Variants in SRD5A2 observed in about 807,000 individuals in gnomAD.
The protein encoded by SRD5A2 is steroid 5 alpha-reductase 2.
In SRD5A2, 30 loss-of-function variants were observed where a neutral mutation model predicts 27.4. That is an observed-to-expected ratio of 1.10 (90% CI 0.82 to 1.49). The LOEUF (loss-of-function observed/expected upper bound fraction) is 1.49, where lower values mean the gene tolerates loss of function less well. SRD5A2 is among the 40% of genes most tolerant of loss of function. The probability of loss-of-function intolerance (pLI) is 0.00; values close to 1 mark genes in which losing one functional copy is unlikely to be tolerated. For synonymous variants in SRD5A2, 141 were observed against 133.6 expected, an observed-to-expected ratio of 1.06 and a Z score of -0.38; for missense variants, 348 against 323.4, an observed-to-expected ratio of 1.08 and a Z score of -0.58.
intron 1 of SRD5A2, among the ~76,000 whole-genome samples, chr2:31,565,442 A>G (rs1024388049): frequency 1.3e-5 from 2 of 151,880 alleles, no homozygotes; most frequent in African/African-American, 4.8e-5. Context: ...ACAGTATGCC[A>G]CCTTTGAGAC....
the SRD5A2 span, among the ~76,000 whole-genome samples, chr2:31,653,816 T>G: frequency 6.6e-6 from 1 of 152,112 alleles, no homozygotes; most frequent in Admixed American, 6.6e-5. Context: ...CCCGCCACCA[T>G]GCCCAGCTAA....
At chr2:31,587,296 ATTG>A in the SRD5A2 span, among the ~76,000 whole-genome samples, 7 of 152,204 alleles carry the variant, frequency 4.6e-5, no homozygotes, top group Non-Finnish European at 1.0e-4. Flanking sequence ...ATGCTTTTAC[ATTG>A]TTGGTGGGAG....
chr2:31,527,387 T>C (rs896019120), intron 4 of SRD5A2, among the ~76,000 whole-genome samples: 1 of 152,176 alleles, frequency 6.6e-6, no homozygotes, highest in Admixed American at 6.5e-5. Context: ...AGAAGTCTGG[T>C]GGGCTGCCTC....
intron 1 of SRD5A2, among the ~76,000 whole-genome samples, chr2:31,568,646 G>A (rs1220761321): frequency 6.6e-6 from 1 of 152,198 alleles, no homozygotes; most frequent in Non-Finnish European, 1.5e-5. Context: ...GGCCATCCCT[G>A]GCTTGAAGGT....
At chr2:31,556,299 T>C (rs934963133) in intron 1 of SRD5A2, among the ~76,000 whole-genome samples, 1 of 152,202 alleles carries the variant, frequency 6.6e-6, no homozygotes, top group Non-Finnish European at 1.5e-5. Flanking sequence ...ATGCCTCCCA[T>C]CCAAGCTTAC....
intron 1 of SRD5A2, among the ~76,000 whole-genome samples, chr2:31,552,483 C>A (rs1209646366): frequency 6.6e-6 from 1 of 152,022 alleles, no homozygotes; most frequent in Non-Finnish European, 1.5e-5. Context: ...CCTCGGTCAA[C>A]TCAACAATGG....
At chr2:31,639,562 C>T in the SRD5A2 span, among the ~76,000 whole-genome samples, 2 of 151,930 alleles carry the variant, frequency 1.3e-5, no homozygotes, top group Non-Finnish European at 2.9e-5. Flanking sequence ...TTCTGTTTGT[C>T]TAGGAAAGAG....
the SRD5A2 span, among the ~76,000 whole-genome samples, chr2:31,614,265 A>C: frequency 6.6e-6 from 1 of 152,222 alleles, no homozygotes; most frequent in Non-Finnish European, 1.5e-5. Flanking sequence ...CACTCATTCC[A>C]AATGGGAGAA....
intron 1 of SRD5A2, among the ~76,000 whole-genome samples, chr2:31,535,763 A>C (rs1042019358): frequency 3.9e-5 from 6 of 152,198 alleles, no homozygotes; most frequent in African/African-American, 1.4e-4. Context: ...AAATACACAC[A>C]ACAAGAGAAA....
At chr2:31,530,468 A>C (rs1267531607) in intron 3 of SRD5A2, among the ~76,000 whole-genome samples, 2 of 152,208 alleles carry the variant, frequency 1.3e-5, no homozygotes. Flanking sequence ...TAAATTTTCT[A>C]TGAAGACAGT....
At chr2:31,613,953 C>A in the SRD5A2 span, among the ~76,000 whole-genome samples, 2 of 152,114 alleles carry the variant, frequency 1.3e-5, no homozygotes, top group African/African-American at 4.8e-5. Context: ...CTAATCTTCA[C>A]CTGGCCCCAC....
intron 1 of SRD5A2, among the ~76,000 whole-genome samples, chr2:31,546,186 T>TC (rs59891788): frequency 2.0e-5 from 3 of 151,932 alleles, no homozygotes; most frequent in Non-Finnish European, 4.4e-5. Context: ...CTTTTTTTTT[T>TC]CAGAAATAAA....
the SRD5A2 span, among the ~76,000 whole-genome samples, chr2:31,658,185 A>G: frequency 4.5e-4 from 68 of 152,298 alleles, no homozygotes; most frequent in African/African-American, 1.6e-3. Flanking sequence ...AAATGAAAAC[A>G]AAGAAACAAC....
the SRD5A2 span, among the ~76,000 whole-genome samples, chr2:31,653,217 G>A: frequency 6.6e-6 from 1 of 152,118 alleles, no homozygotes; most frequent in Non-Finnish European, 1.5e-5. Context: ...AGAGACACCA[G>A]CTCCAGTCAA....
At chr2:31,629,236 C>G in the SRD5A2 span, among the ~76,000 whole-genome samples, 1 of 152,128 alleles carries the variant, frequency 6.6e-6, no homozygotes, top group Non-Finnish European at 1.5e-5. Flanking sequence ...AGAGCTATAA[C>G]ACTCACTGTA....
At chr2:31,585,055 G>C (rs1338581246), upstream of SRD5A2, among the ~76,000 whole-genome samples, 2 of 152,142 alleles carry the variant, frequency 1.3e-5, no homozygotes, top group Non-Finnish European at 2.9e-5. Context: ...ACAGCAAAAA[G>C]GAAAGCCAGA....
Position 31,573,559 on chromosome 2 carries a change from G to A in SRD5A2, c.281+7061C>T, listed in dbSNP as rs568927564. On this transcript the variant is annotated intron_variant, in intron 1 of 4. Coordinates refer to ENST00000622030, the MANE Select transcript of SRD5A2 (RefSeq NM_000348.4). ...TGGCAAAATTCAATAAGTAGACAAC[G>A]TTTGTATTCCATCTAGTAACAAAAA... Among the ~76,000 whole-genome samples the A allele has an allele frequency of 7.2e-5, 11 of 152,294 alleles. No individual in the cohort carries two copies. The East Asian group carries it at 1.4e-3, about 19-fold the overall frequency.
At chr2:31,630,446 G>C in the SRD5A2 span, among the ~76,000 whole-genome samples, 1 of 152,162 alleles carries the variant, frequency 6.6e-6, no homozygotes, top group Non-Finnish European at 1.5e-5. Flanking sequence ...ATCATGGAAA[G>C]TCTTCTCTAT....
chr2:31,601,675 A>G, the SRD5A2 span, among the ~76,000 whole-genome samples: 40 of 152,130 alleles, frequency 2.6e-4, no homozygotes, highest in Admixed American at 2.6e-3. Flanking sequence ...AAATACTGGT[A>G]AACTGAATCC....
Sources: gnomAD v4.1 joint callset for allele counts (sites outside exome capture counted in the v4.1 genomes callset) on GRCh38, gnomAD v4.1.1 for gene constraint, MANE v1.5 for transcripts, NCBI Gene and HGNC (gene_info 2026-07-23, HGNC 2026-07-21) for gene names.